The following HSD17B2 variants were observed in gnomAD, a reference collection of about 807,000 sequenced individuals.
HSD17B2 encodes the protein hydroxysteroid 17-beta dehydrogenase 2.
Under a neutral mutation model 26.9 loss-of-function variants are expected in HSD17B2, and 32 were observed. That is an observed-to-expected ratio of 1.19 (90% confidence interval 0.90 to 1.60). The LOEUF is 1.60. Ranked by LOEUF, HSD17B2 falls within the 40% of genes most tolerant of loss-of-function variation. The pLI, the probability that HSD17B2 is intolerant of heterozygous loss-of-function variation, is 0.00. For missense variants in HSD17B2, 613 were observed against 468.6 expected (o/e 1.31, Z -2.85); for synonymous variants, 246 against 186.7 (o/e 1.32, Z -2.59).
intron 4 of HSD17B2, chr16:82,097,824 G>C (rs1904896889): frequency 3.6e-6 from 1 of 276,558 alleles, no homozygotes; most frequent in South Asian, 1.2e-4. Context: ...TGTAATCCCA[G>C]CTACTCGGGA....
chr16:82,035,817 A>C, intron 1 of HSD17B2, 128 bp downstream of exon 1: 1 of 991,208 alleles, frequency 1.0e-6, no homozygotes, highest in Non-Finnish European at 1.5e-6. Context: ...CCCTCACCCA[A>C]GTATTTTTCA....
intron 1 of HSD17B2, among the ~76,000 whole-genome samples, chr16:82,056,271 C>G (rs1196801069): frequency 6.6e-6 from 1 of 152,116 alleles, no homozygotes; most frequent in African/African-American, 2.4e-5. Context: ...TTAGTTGTAT[C>G]TCTGGTTAGT....
intron 1 of HSD17B2, among the ~76,000 whole-genome samples, chr16:82,038,432 C>T (rs1913677252): frequency 6.6e-6 from 1 of 152,158 alleles, no homozygotes. Context: ...TCACTGCAAC[C>T]TCTGCCTCCC....
intron 1 of HSD17B2, 100 bp downstream of exon 1, chr16:82,035,789 GC>G: frequency 7.8e-7 from 1 of 1,280,404 alleles, no homozygotes; most frequent in East Asian, 2.3e-5. Flanking sequence ...AAAATACTTG[GC>G]ATGGAGTAAA....
At chr16:82,090,816 CA>C in intron 3 of HSD17B2, 85 bp from the exon 4 acceptor site, 17 of 1,296,768 alleles carry the variant, frequency 1.3e-5, no homozygotes, top group Non-Finnish European at 1.8e-5. Flanking sequence ...CCAGTTCCTA[CA>C]TACAGTAGAC....
intron 1 of HSD17B2, among the ~76,000 whole-genome samples, chr16:82,053,546 T>TA (rs1162886706): frequency 6.6e-6 from 1 of 152,186 alleles, no homozygotes; most frequent in African/African-American, 2.4e-5. Flanking sequence ...TTCATAGCGC[T>TA]AGCCATGGAC....
chr16:82,041,715 C>T (rs1450064253), intron 1 of HSD17B2, among the ~76,000 whole-genome samples: 1 of 152,214 alleles, frequency 6.6e-6, no homozygotes. Flanking sequence ...TTTGACTCTT[C>T]CGGGTTCTTC....
intron 3 of HSD17B2, among the ~76,000 whole-genome samples, chr16:82,078,853 G>A (rs542539559): frequency 6.6e-6 from 1 of 152,216 alleles, no homozygotes; most frequent in Non-Finnish European, 1.5e-5. Flanking sequence ...AGAGTAGAAG[G>A]ATGGTTACCA....
chr16:82,076,067 G>A (rs762023172), intron 3 of HSD17B2, among the ~76,000 whole-genome samples: 1 of 152,084 alleles, frequency 6.6e-6, no homozygotes, highest in Admixed American at 6.5e-5. Flanking sequence ...TGCAGGGATT[G>A]TTCAACATTT....
At chr16:82,038,845 C>T (rs75262812) in intron 1 of HSD17B2, among the ~76,000 whole-genome samples, 574 of 152,236 alleles carry the variant, frequency 3.8e-3, no homozygotes, top group African/African-American at 0.013. Context: ...TCACCCTGGG[C>T]GGACGTGGGG....
At chr16:82,063,917 A>C (rs1914510836) in intron 1 of HSD17B2, among the ~76,000 whole-genome samples, 1 of 152,164 alleles carries the variant, frequency 6.6e-6, no homozygotes, top group South Asian at 2.1e-4. Flanking sequence ...AAAAACAAAG[A>C]AAGGGAGTTT....
At chr16:82,039,172 G>C (rs932270278) in intron 1 of HSD17B2, among the ~76,000 whole-genome samples, 1 of 152,020 alleles carries the variant, frequency 6.6e-6, no homozygotes, top group African/African-American at 2.4e-5. Flanking sequence ...TACTAGCTGT[G>C]TGGACAGCTG....
At chr16:82,082,511 A>AT (rs1567590890) in intron 3 of HSD17B2, among the ~76,000 whole-genome samples, 1 of 152,230 alleles carries the variant, frequency 6.6e-6, no homozygotes, top group Non-Finnish European at 1.5e-5. Context: ...TTCTCTGAAT[A>AT]TTTTTTGTAC....
chr16:82,080,883 A>G (rs1904360707), intron 3 of HSD17B2, among the ~76,000 whole-genome samples: 3 of 152,302 alleles, frequency 2.0e-5, no homozygotes. Flanking sequence ...GAGATTCCAT[A>G]TATCACAAAG....
At position 82,054,796 on chromosome 16, in the gene HSD17B2, G is replaced by C. The variant is rs62046323; in HGVS notation, c.266-13374G>C. ...CTAGTGTCTTTAGCAGAAAGGGAAG[G>C]GTGCTGTCCAGTAGAAATATTTCTA... On this transcript the variant is annotated intron_variant, in intron 1 of 4. Coordinates refer to ENST00000199936, the MANE Select transcript of HSD17B2 (RefSeq NM_002153.3). Among the ~76,000 whole-genome samples the C allele has an allele frequency of 4.3e-3, 653 of 152,244 alleles. 2 individuals are homozygous for C. Among genetic ancestry groups the C allele is most frequent in the Non-Finnish European group, 6.5e-3 (441 of 68,016 alleles).
intron 1 of HSD17B2, among the ~76,000 whole-genome samples, chr16:82,055,534 G>C (rs1914240504): frequency 6.6e-6 from 1 of 152,190 alleles, no homozygotes; most frequent in African/African-American, 2.4e-5. Context: ...GAACACACAG[G>C]ATGGAGTAAG....
intron 3 of HSD17B2, chr16:82,090,299 A>ATTGTT (rs1904647300): frequency 6.3e-5 from 4 of 63,378 alleles, no homozygotes; most frequent in Admixed American, 2.2e-4. Flanking sequence ...CCTAAACTAC[A>ATTGTT]TTGTTTTTTT....
chr16:82,056,675 T>A (rs1914280104), intron 1 of HSD17B2, among the ~76,000 whole-genome samples: 1 of 152,212 alleles, frequency 6.6e-6, no homozygotes, highest in Non-Finnish European at 1.5e-5. Flanking sequence ...CATAGCAGAT[T>A]GGTAACCTCA....
intron 1 of HSD17B2, among the ~76,000 whole-genome samples, chr16:82,037,791 C>T (rs1913660346): frequency 6.6e-6 from 1 of 152,188 alleles, no homozygotes; most frequent in African/African-American, 2.4e-5. Context: ...AAGGAAAACA[C>T]ACAGGAAATC....
Sources: gnomAD v4.1 joint callset for allele counts (sites outside exome capture counted in the v4.1 genomes callset) on GRCh38, gnomAD v4.1.1 for gene constraint, MANE v1.5 for transcripts, NCBI Gene and HGNC (gene_info 2026-07-23, HGNC 2026-07-21) for gene names.